BTN3A1: variants seen among roughly 807,000 people sequenced by gnomAD.
BTN3A1 encodes the protein dJ45P21.3 (butyrophilin, subfamily 3, member A1).
A neutral mutation model predicts 43.0 loss-of-function variants in BTN3A1; 24 were observed. The observed-to-expected ratio is 0.56, with a 90% CI of 0.40 to 0.78. BTN3A1 has a LOEUF of 0.78. Among genes scored for constraint, BTN3A1 ranks in the 30% least tolerant of loss-of-function variants. BTN3A1 has a pLI of 0.00. For synonymous variants in BTN3A1, 181 were observed against 234.7 expected (o/e 0.77, Z 2.09); for missense variants, 533 against 626.2 (o/e 0.85, Z 1.59).
chr6:26,409,034 G>T (rs1450893061), intron 4 of BTN3A1, among the ~76,000 whole-genome samples: 1 of 152,088 alleles, frequency 6.6e-6, no homozygotes, highest in African/African-American at 2.4e-5. Flanking sequence ...GAACAGAGAG[G>T]TTAAGTAATT....
chr6:26,403,134 C>T (rs542222394), intron 1 of BTN3A1, among the ~76,000 whole-genome samples: 110 of 152,292 alleles, frequency 7.2e-4, no homozygotes, highest in Middle Eastern at 6.8e-3. Context: ...GGCATGTTCT[C>T]GGCTTACTGC....
At position 26,409,582 on chromosome 6, in the gene BTN3A1, C is replaced by G; in HGVS notation, c.765C>G (p.Thr255=). The G allele has an allele frequency of 1.2e-6, 2 of 1,613,910 alleles. No individual in the cohort carries two copies. Among genetic ancestry groups the G allele is most frequent in the Middle Eastern group, 1.6e-4 (1 of 6,062 alleles). Residue 255 remains threonine (T), a synonymous_variant, in exon 5 of 10, where the codon ACC becomes ACG. Coordinates refer to ENST00000289361, the MANE Select transcript of BTN3A1 (RefSeq NM_007048.6). ...AQRWIAALAG[T]LPVLLLLLGG... is the part of the protein sequence containing the mutation. ...GGTGGATCGCCGCCCTGGCAGGGAC[C>G]CTGCCTGTCTTGCTGCTGCTTCTTG... is the stretch of plus-strand genomic sequence containing the variant.
chr6:26,412,736 T>A, intron 9 of BTN3A1: 1 of 1,551,464 alleles, frequency 6.4e-7, no homozygotes, highest in Non-Finnish European at 8.7e-7. Flanking sequence ...GGCTCCACTT[T>A]GTTAAATAAA....
At position 26,413,934 on chromosome 6, in the gene BTN3A1, G is replaced by GT. The variant is rs1762310452; in HGVS notation, c.*245dup. On this transcript the variant is annotated 3_prime_UTR_variant, in exon 10 of 10. Coordinates refer to ENST00000289361, the MANE Select transcript of BTN3A1 (RefSeq NM_007048.6). ...TCATTCAATTATTCATATGACAGTT[G>GT]TTTGAGTTTGGTACCATCTTATTTT... 31 of 652,098 alleles carry GT rather than the reference G, an allele frequency of 4.8e-5. No individual in the cohort carries two copies. In the South Asian group the frequency reaches 5.9e-4, roughly 12 times the overall value. The allele number at this position is 652,098 out of a possible 1,614,324, so 40.4% of individuals were successfully genotyped here.
intron 7 of BTN3A1, among the ~76,000 whole-genome samples, chr6:26,410,753 A>G (rs1227939021): frequency 1.3e-5 from 2 of 150,212 alleles, no homozygotes; most frequent in African/African-American, 2.4e-5. Context: ...ATACATATAT[A>G]CACATATATA....
intron 9 of BTN3A1, chr6:26,412,484 C>A (rs1160879890): frequency 6.5e-7 from 1 of 1,535,106 alleles, no homozygotes; most frequent in Admixed American, 2.0e-5. Flanking sequence ...CAGGAATCTG[C>A]CCAGAGGACA....
chr6:26,405,005 C>T (rs1461217087), intron 1 of BTN3A1, among the ~76,000 whole-genome samples: 1 of 152,182 alleles, frequency 6.6e-6, no homozygotes, highest in East Asian at 1.9e-4. Flanking sequence ...GTCTTATTTG[C>T]AGCTCTGTGA....
At chr6:26,408,249 A>G (rs1226731724) in intron 4 of BTN3A1, among the ~76,000 whole-genome samples, 1 of 152,184 alleles carries the variant, frequency 6.6e-6, no homozygotes, top group African/African-American at 2.4e-5. Context: ...GAAAGCATAT[A>G]TATATATATA....
rs763283661 is a variant in BTN3A1 at position 26,409,578 on chromosome 6, G to A, written c.761G>A (p.Gly254Glu). 13 of 1,613,860 alleles carry A rather than the reference G, an allele frequency of 8.1e-6. No homozygotes were observed. Among genetic ancestry groups the A allele is most frequent in the African/African-American group, 1.3e-5 (1 of 74,846 alleles). Residue 254 changes from glycine (G) to glutamate (E), a missense_variant, in exon 5 of 10, where the codon GGG (glycine) becomes GAG (glutamate). Around this residue, in one of 4 missense-constraint regions of BTN3A1, gnomAD observed 415 missense variants for 427.0 expected, o/e 0.97. Transcript: ENST00000289361. ...SAQRWIAALAGTLPVLLLLLG... is the reference protein window; with the variant it reads ...SAQRWIAALAETLPVLLLLLG... ...CAGAGGTGGATCGCCGCCCTGGCAGGGACCCTGCCTGTCTTGCTGCTGCTT... is the reference window on the plus strand; with the variant it reads ...CAGAGGTGGATCGCCGCCCTGGCAGAGACCCTGCCTGTCTTGCTGCTGCTT...
At position 26,413,163 on chromosome 6, in the gene BTN3A1, C is replaced by G; in HGVS notation, c.1019-6C>G. Reference sequence around the variant, plus strand: ...CCTCATGGACACTTCCTCAAACTCTCTGCAGCGGATGTGATTCTGGATCCA... The same window carrying G: ...CCTCATGGACACTTCCTCAAACTCTGTGCAGCGGATGTGATTCTGGATCCA... On this transcript the variant is annotated splice_polypyrimidine_tract_variant and splice_region_variant and intron_variant, in intron 9 of 9. Transcript: ENST00000289361. 1 of 1,606,884 alleles carries G rather than the reference C, an allele frequency of 6.2e-7. No individual in the cohort carries two copies. Among genetic ancestry groups the G allele is most frequent in the Non-Finnish European group, 8.5e-7 (1 of 1,176,288 alleles).
rs1337827706 is a variant in BTN3A1, at chr6:26,412,955, C to G, written c.1019-214C>G. ...GTTAGGCAGAGATGCTGAGGCAACC[C>G]TCATTTCACCCTCCTCTTCCCCTCT... On this transcript the variant is annotated intron_variant, in intron 9 of 9. Transcript: ENST00000289361. 4.8e-6 allele frequency: 7 copies of G among 1,457,766 alleles called. No individual in the cohort carries two copies. The African/African-American group carries it at 1.0e-4, about 21-fold the overall frequency. The allele number at this position is 1,457,766 out of a possible 1,614,324, so 90.3% of individuals were successfully genotyped here.
Position 26,411,126 on chromosome 6 carries a change from G to A in BTN3A1, c.982G>A (p.Ala328Thr), listed in dbSNP as rs1016249513. Residue 328 changes from alanine to threonine, a missense_variant, in exon 8 of 10, where the codon GCC (alanine) becomes ACC (threonine). Physicochemically the swap from Ala to Thr is moderately conservative, Grantham distance 58. Transcript: ENST00000289361. ...CATTGTAGGGGGAGAGAGACATTCA[G>A]CCTATAATGGTGAGTGAACCTGATG... Reference protein sequence around the residue: ...QYASRGERHSAYNEWKKALFK... With the variant: ...QYASRGERHSTYNEWKKALFK... 4.4e-6 allele frequency: 7 copies of A among 1,608,662 alleles called. No homozygotes were observed. The highest frequency in any genetic ancestry group is 1.3e-5 in the African/African-American group (1 of 74,392).
intron 2 of BTN3A1, 92 bp downstream of exon 2, chr6:26,405,740 A>G (rs998299586): frequency 6.3e-7 from 1 of 1,580,980 alleles, no homozygotes; most frequent in East Asian, 2.2e-5. Context: ...CCTGAAGTCC[A>G]TCCCGATCTG....
chr6:26,409,679 C>G lies in BTN3A1; in HGVS notation c.862C>G (p.Gln288Glu), dbSNP rs753335657. ...TCAGTTCAGAAAGAAAAAGAGAGAG[C>G]AAGAGTTGAGAGAAATGGCATGGAG... is the stretch of plus-strand genomic sequence containing the variant. ...KTQFRKKKRE[Q>E]ELREMAWSTM... The change falls in exon 5 of 10, where the codon CAA becomes GAA. Residue 288 changes from glutamine (Q) to glutamate (E), a missense_variant. By Grantham distance (29) the Gln-to-Glu change is conservative (BLOSUM62 2). Coordinates refer to ENST00000289361, the MANE Select transcript of BTN3A1 (RefSeq NM_007048.6). 7 of 1,593,514 alleles carry G rather than the reference C, an allele frequency of 4.4e-6. No individual in the cohort carries two copies. Among genetic ancestry groups the G allele is most frequent in the African/African-American group, 2.7e-5 (2 of 73,500 alleles).
rs1313979827 is a variant in BTN3A1, at chr6:26,415,007, G to A, written c.*1315G>A. 1 of 152,074 alleles carries A rather than the reference G, an allele frequency of 6.6e-6. No homozygotes were observed. 9.4% of individuals were successfully genotyped at this position (152,074 alleles called of 1,614,324 possible). ...GGCTTACAGGGATATTTTTAATCCC[G>A]TTATGGACTCTGTCTCCAGGAGAGG... On this transcript the variant is annotated 3_prime_UTR_variant, in exon 10 of 10. Transcript: ENST00000289361.
intron 9 of BTN3A1, chr6:26,412,500 C>T: frequency 6.5e-7 from 1 of 1,549,174 alleles, no homozygotes; most frequent in Non-Finnish European, 8.7e-7. Context: ...GGACAGATTC[C>T]TGGGGCCCAG....
intron 7 of BTN3A1, 106 bp downstream of exon 7, chr6:26,410,138 C>T: frequency 2.1e-6 from 3 of 1,406,950 alleles, no homozygotes; most frequent in Non-Finnish European, 3.0e-6. Flanking sequence ...GTCTTAGATC[C>T]CTTTGACTAA....
chr6:26,411,672 G>A (rs1028126256), intron 9 of BTN3A1, 91 bp downstream of exon 9: 5 of 1,465,816 alleles, frequency 3.4e-6, no homozygotes, highest in Non-Finnish European at 1.9e-6. Context: ...GTGATTTGGG[G>A]AAGAAAAGCT....
chr6:26,407,736 A>G lies in BTN3A1; in HGVS notation c.499A>G (p.Arg167Gly), dbSNP rs571412787. 4.3e-6 allele frequency: 7 copies of G among 1,614,216 alleles called. No homozygotes were observed. The African/African-American group carries it at 8.0e-5, about 18-fold the overall frequency. The change falls in exon 4 of 10, where the codon AGG (arginine) becomes GGG (glycine). Residue 167 changes from arginine (R) to glycine (G), a missense_variant. By Grantham distance (125) the Arg-to-Gly change is moderately radical. Around this residue, in one of 4 missense-constraint regions of BTN3A1, gnomAD observed 415 missense variants for 427.0 expected, o/e 0.97. Coordinates refer to ENST00000289361, the MANE Select transcript of BTN3A1 (RefSeq NM_007048.6). Reference protein sequence around the residue: ...YKDGGIHLECRSTGWYPQPQI... With the variant: ...YKDGGIHLECGSTGWYPQPQI... ...GGATGGAGGGATCCATCTGGAGTGCAGGTCCACTGGCTGGTACCCCCAACC... is the reference window on the plus strand; with the variant it reads ...GGATGGAGGGATCCATCTGGAGTGCGGGTCCACTGGCTGGTACCCCCAACC...
Sources: gnomAD v4.1 joint callset for allele counts (sites outside exome capture counted in the v4.1 genomes callset) on GRCh38, gnomAD v4.1.1 for gene constraint, gnomAD v4.1.1 regional missense constraint, MANE v1.5 for transcripts, NCBI Gene and HGNC (gene_info 2026-07-23, HGNC 2026-07-21) for gene names.